The following PDZD2 variants were observed in gnomAD, a reference collection of about 807,000 sequenced individuals.
PDZD2 encodes the protein PDZ domain-containing protein 2.
Under a neutral mutation model 220.7 loss-of-function variants are expected in PDZD2, and 90 were observed. The observed-to-expected ratio is 0.41, with a 90% confidence interval of 0.34 to 0.49. The LOEUF (loss-of-function observed/expected upper bound fraction) is 0.49, where lower values mean the gene tolerates loss of function less well. Ranked by LOEUF, PDZD2 falls within the 20% of genes least tolerant of loss-of-function variation. The pLI is 0.28. For synonymous variants in PDZD2, 1,375 were observed against 1,450.5 expected (o/e 0.95, Z 1.18); for missense variants, 3,174 against 3,608.5 (o/e 0.88, Z 3.08).
chr5:31,768,377 T>C (rs183794827), intron 1 of PDZD2, among the ~76,000 whole-genome samples: 2 of 152,182 alleles, frequency 1.3e-5, no homozygotes, highest in Non-Finnish European at 2.9e-5. Flanking sequence ...GCTCAGTGGC[T>C]CATGTCTGTA....
Position 32,010,311 on chromosome 5 carries a change from T to G in PDZD2, c.1255-19T>G. The G allele has an allele frequency of 2.5e-6, 4 of 1,580,144 alleles. No individual in the cohort carries two copies. The highest frequency in any genetic ancestry group is 3.5e-6 in the Non-Finnish European group (4 of 1,155,832). ...CTGGGGAGTAATTCATGGATGGGCC[T>G]TTAATTGTGTCCCCATAGGAAAACT... On this transcript the variant is annotated intron_variant, in intron 5 of 24. Coordinates refer to ENST00000438447, the MANE Select transcript of PDZD2 (RefSeq NM_178140.4).
chr5:31,977,472 G>A (rs1177868932), intron 2 of PDZD2, among the ~76,000 whole-genome samples: 1 of 152,016 alleles, frequency 6.6e-6, no homozygotes, highest in Non-Finnish European at 1.5e-5. Context: ...TAAACTCCAG[G>A]CAGCTTTATT....
intron 3 of PDZD2, 68 bp from the exon 4 acceptor site, chr5:31,995,508 C>G: frequency 6.4e-7 from 1 of 1,560,544 alleles, no homozygotes; most frequent in African/African-American, 1.4e-5. Flanking sequence ...CGTGACAGCT[C>G]CGTTCTCCTG....
At chr5:32,004,482 T>C (rs1752654893) in intron 5 of PDZD2, among the ~76,000 whole-genome samples, 1 of 152,206 alleles carries the variant, frequency 6.6e-6, no homozygotes, top group South Asian at 2.1e-4. Flanking sequence ...TCCGTGCTAC[T>C]TGGGAGGCTG....
At chr5:31,733,053 T>C (rs560738916) in intron 1 of PDZD2, among the ~76,000 whole-genome samples, 54 of 152,156 alleles carry the variant, frequency 3.5e-4, no homozygotes, top group Admixed American at 7.2e-4. Flanking sequence ...AAATAAACTT[T>C]TTATTGAATT....
At chr5:32,038,679 C>T (rs1755761353) in intron 7 of PDZD2, among the ~76,000 whole-genome samples, 1 of 151,982 alleles carries the variant, frequency 6.6e-6, no homozygotes, top group Non-Finnish European at 1.5e-5. Flanking sequence ...TGGCATGGGC[C>T]CTCAGCACTG....
Position 32,090,076 on chromosome 5 carries a change from G to A in PDZD2, c.6628G>A (p.Asp2210Asn). 6.2e-7 allele frequency: 1 copy of A among 1,613,702 alleles called. No homozygotes were observed. Among genetic ancestry groups the A allele is most frequent in the Non-Finnish European group, 8.5e-7 (1 of 1,179,974 alleles). ...CATTCCAGGGGGCCCCTCGGGGGAG[G>A]ACCATCTCTACTTCACCCCAAGGCC... The part of the protein sequence containing the change: ...NSIPGGPSGE[D>N]HLYFTPRPAT... The change falls in exon 20 of 25, where the codon GAC (aspartate) becomes AAC (asparagine). Residue 2210 changes from aspartate to asparagine, a missense_variant. This residue lies in a region of PDZD2 where 1,861 missense variants were observed against 2,001.0 expected (regional missense o/e 0.93). Coordinates refer to ENST00000438447, the MANE Select transcript of PDZD2 (RefSeq NM_178140.4). The surrounding 1 kb of genome is among the most constrained non-coding windows in gnomAD (Gnocchi z 4.3).
At chr5:31,967,841 C>T (rs781775799) in intron 2 of PDZD2, among the ~76,000 whole-genome samples, 1 of 152,108 alleles carries the variant, frequency 6.6e-6, no homozygotes, top group African/African-American at 2.4e-5. Flanking sequence ...TTTGGCTGGT[C>T]CAGGGAGCAG....
intron 1 of PDZD2, among the ~76,000 whole-genome samples, chr5:31,677,756 G>A (rs1414218140): frequency 6.6e-6 from 1 of 152,196 alleles, no homozygotes; most frequent in East Asian, 1.9e-4. Context: ...AAAGAAGCAA[G>A]ACAAAAAAGA....
At chr5:31,767,196 T>A (rs1196480292) in intron 1 of PDZD2, among the ~76,000 whole-genome samples, 1 of 151,818 alleles carries the variant, frequency 6.6e-6, no homozygotes, top group Non-Finnish European at 1.5e-5. Context: ...CATGCCCAGC[T>A]AATTTTTGTA....
At chr5:31,899,365 G>T (rs138024779) in intron 2 of PDZD2, among the ~76,000 whole-genome samples, 1 of 151,896 alleles carries the variant, frequency 6.6e-6, no homozygotes, top group Admixed American at 6.6e-5. Context: ...ACGCCTGACC[G>T]CAAGTGATCC....
intron 1 of PDZD2, among the ~76,000 whole-genome samples, chr5:31,683,156 G>T (rs1006823246): frequency 6.8e-6 from 1 of 147,178 alleles, no homozygotes; most frequent in East Asian, 2.0e-4. Context: ...TTGGGTACAG[G>T]CTGCTTCCAA....
intron 1 of PDZD2, among the ~76,000 whole-genome samples, chr5:31,789,434 C>T (rs751605470): frequency 6.6e-6 from 1 of 152,234 alleles, no homozygotes; most frequent in Non-Finnish European, 1.5e-5. Context: ...TCTTTGGTTA[C>T]TGAGACATAC....
At chr5:31,858,109 A>T (rs1036923231) in intron 2 of PDZD2, among the ~76,000 whole-genome samples, 1 of 151,950 alleles carries the variant, frequency 6.6e-6, no homozygotes, top group Non-Finnish European at 1.5e-5. Flanking sequence ...TACAGGTGTG[A>T]GCCACCGCAC....
chr5:31,751,103 G>A lies in PDZD2; in HGVS notation c.-360-47786G>A, dbSNP rs183350087. On this transcript the variant is annotated intron_variant, in intron 1 of 24. Coordinates refer to ENST00000438447, the MANE Select transcript of PDZD2 (RefSeq NM_178140.4). ...ACTAAAAATACAAAAGTACCTGGGCGTGGTGGCACGCGCCTGTAGTCTCAG... is the reference window on the plus strand; with the variant it reads ...ACTAAAAATACAAAAGTACCTGGGCATGGTGGCACGCGCCTGTAGTCTCAG... Among the ~76,000 whole-genome samples, 79 of 152,226 alleles carry A rather than the reference G, an allele frequency of 5.2e-4. 1 individual carries two copies. In the East Asian group the frequency reaches 0.01, roughly 20 times the overall value.
intron 1 of PDZD2, among the ~76,000 whole-genome samples, chr5:31,722,577 A>G (rs1342378144): frequency 6.6e-6 from 1 of 152,230 alleles, no homozygotes; most frequent in Admixed American, 6.5e-5. Context: ...AAAAGAACAT[A>G]TAAAAATGCC....
At chr5:31,970,310 A>C (rs10940987) in intron 2 of PDZD2, among the ~76,000 whole-genome samples, 145,805 of 152,218 alleles carry the variant, frequency 0.96, 69,878 homozygotes, top group African/African-American at 0.99. Context: ...AGTGAGGTAG[A>C]TTTTGGTTAT....
intron 2 of PDZD2, among the ~76,000 whole-genome samples, chr5:31,894,517 A>T (rs1379955132): frequency 1.3e-5 from 2 of 152,048 alleles, no homozygotes; most frequent in East Asian, 1.9e-4. Flanking sequence ...GAATTACTTT[A>T]AAAAAATAAT....
At chr5:31,992,862 TG>T (rs1206932674) in intron 3 of PDZD2, among the ~76,000 whole-genome samples, 1 of 54,448 alleles carries the variant, frequency 1.8e-5, no homozygotes, top group African/African-American at 4.8e-5. Context: ...GCCTCTTCCA[TG>T]GAAAAAAAAA....
Sources: gnomAD v4.1 joint callset for allele counts (sites outside exome capture counted in the v4.1 genomes callset) on GRCh38, gnomAD v4.1.1 for gene constraint, gnomAD v4.1.1 regional missense constraint, Gnocchi (gnomAD v3.1) non-coding constraint, MANE v1.5 for transcripts, NCBI Gene and HGNC (gene_info 2026-07-23, HGNC 2026-07-21) for gene names.